Variants in RNF19A observed in about 807,000 individuals in gnomAD.
RNF19A encodes the protein E3 ubiquitin-protein ligase RNF19A.
A neutral mutation model predicts 75.7 loss-of-function variants in RNF19A; 32 were observed. That is an observed-to-expected ratio of 0.42 (90% CI 0.32 to 0.57). RNF19A has a LOEUF of 0.57. Ranked by LOEUF, RNF19A falls within the 20% of genes least tolerant of loss-of-function variation. The pLI is 0.10. For missense variants in RNF19A, 782 were observed against 1,036.3 expected, an observed-to-expected ratio of 0.75 and a Z score of 3.37; for synonymous variants, 335 against 345.2, an observed-to-expected ratio of 0.97 and a Z score of 0.33.
intron 1 of RNF19A, among the ~76,000 whole-genome samples, chr8:100,303,693 G>A (rs1352523936): frequency 2.0e-5 from 3 of 151,312 alleles, no homozygotes; most frequent in Non-Finnish European, 4.4e-5. Flanking sequence ...GAAGGCTGAC[G>A]TGGGCGGATC....
intron 1 of RNF19A, among the ~76,000 whole-genome samples, chr8:100,321,229 G>T (rs1393723543): frequency 6.6e-6 from 1 of 152,174 alleles, no homozygotes; most frequent in Non-Finnish European, 1.5e-5. Context: ...TTTCAAAATT[G>T]GAATCAATCC....
Position 100,280,900 on chromosome 8 carries a change from C to T in RNF19A, c.675-5739G>A, listed in dbSNP as rs547022104. Among the ~76,000 whole-genome samples the T allele has an allele frequency of 7.9e-5, 12 of 152,214 alleles. No homozygotes were observed. The South Asian group carries it at 1.7e-3, about 21-fold the overall frequency. ...AACAACTCTCAAATTATAATGGAAG[C>T]AAATGGTAAAAGTAAATTAAATACA... is the stretch of plus-strand genomic sequence containing the variant. On this transcript the variant is annotated intron_variant, in intron 2 of 9. Transcript: ENST00000341084.
rs1044649165 is a variant in RNF19A, at chr8:100,259,055, G to C, written c.2018C>G (p.Ser673Ter). The change falls in exon 10 of 10, where the codon TCA becomes TGA. Residue 673 changes from serine (S) to a stop codon, truncating the protein, a stop_gained. Coordinates refer to ENST00000341084, the MANE Select transcript of RNF19A (RefSeq NM_183419.4). LOFTEE classifies it high-confidence loss of function. The surrounding 1 kb of genome is among the most constrained non-coding windows in gnomAD (Gnocchi z 4.5). ...CTTTTTCCTCAGTTTACCACTTTTT[G>C]ATTTTTTCCCTGCTGTTGCTTCTTT... Reference protein sequence around the residue: ...WSKEATAGKKSKSGKLRKKGN... With the variant: ...WSKEATAGKK 7 of 1,613,934 alleles carry C rather than the reference G, an allele frequency of 4.3e-6. 1 individual carries two copies. The highest frequency in any genetic ancestry group is 5.9e-6 in the Non-Finnish European group (7 of 1,179,984).
In RNF19A at chr8:100,261,770, T is replaced by A. The variant is rs766605182; in HGVS notation, c.1469-15A>T. ...TGATGTTGTGTCTAAATGCAAATAT[T>A]CCAAAGAAACTAAGTAAGTATGATT... On this transcript the variant is annotated splice_polypyrimidine_tract_variant and intron_variant, in intron 7 of 9. Coordinates refer to ENST00000341084, the MANE Select transcript of RNF19A (RefSeq NM_183419.4). This position sits in a 1 kb window ranked among gnomAD's most constrained non-coding sequence, Gnocchi z 4.4. 1.2e-6 allele frequency: 2 copies of A among 1,611,654 alleles called. No homozygotes were observed. Among genetic ancestry groups the A allele is most frequent in the Non-Finnish European group, 1.7e-6 (2 of 1,177,708 alleles).
At position 100,258,581 on chromosome 8, in the gene RNF19A, T is replaced by G; in HGVS notation, c.2492A>C (p.Lys831Thr). 1 of 1,611,980 alleles carries G rather than the reference T, an allele frequency of 6.2e-7. No homozygotes were observed. The highest frequency in any genetic ancestry group is 8.5e-7 in the Non-Finnish European group (1 of 1,178,922). Residue 831 changes from lysine (K) to threonine (T), a missense_variant, in exon 10 of 10, where the codon AAA (lysine) becomes ACA (threonine). Physicochemically the swap from Lys to Thr is moderately conservative, Grantham distance 78. Coordinates refer to ENST00000341084, the MANE Select transcript of RNF19A (RefSeq NM_183419.4). The surrounding 1 kb of genome is among the most constrained non-coding windows in gnomAD (Gnocchi z 4.3). ...CTAAATTTCAGTCTGAATTGCAACT[T>G]TTAATTCCATTGTCTGATGTGAGTG... ...NNHSHQTMEL[K>T]VAIQTEI is the part of the protein sequence containing the mutation.
Position 100,284,434 on chromosome 8 carries a change from A to T in RNF19A, c.674+3067T>A, listed in dbSNP as rs1342359594. Among the ~76,000 whole-genome samples the T allele has an allele frequency of 6.6e-6, 1 of 152,192 alleles. No individual in the cohort carries two copies. Among genetic ancestry groups the T allele is most frequent in the African/African-American group, 2.4e-5 (1 of 41,462 alleles). Reference sequence around the variant, plus strand: ...AAGTCAAATATAAAATAAAATACACAAAAGTAATCTCTGTGACTTTTTTTC... The same window carrying T: ...AAGTCAAATATAAAATAAAATACACTAAAGTAATCTCTGTGACTTTTTTTC... On this transcript the variant is annotated intron_variant, in intron 2 of 9. Coordinates refer to ENST00000341084, the MANE Select transcript of RNF19A (RefSeq NM_183419.4). The surrounding 1 kb of genome is among the most constrained non-coding windows in gnomAD (Gnocchi z 4.3).
rs892471637 is a variant in RNF19A, at chr8:100,264,255, T to C, written c.1307-60A>G. ...AACAACAAAATAACTCACAGAAACATGAGTTTTAGAAAGTCTTTTCAAGAG... is the reference window on the plus strand; with the variant it reads ...AACAACAAAATAACTCACAGAAACACGAGTTTTAGAAAGTCTTTTCAAGAG... On this transcript the variant is annotated intron_variant, in intron 6 of 9. Transcript: ENST00000341084. The surrounding 1 kb of genome is among the most constrained non-coding windows in gnomAD (Gnocchi z 4.7). The C allele has an allele frequency of 6.3e-6, 9 of 1,428,486 alleles. No homozygotes were observed. The Admixed American group carries it at 7.9e-5, about 13-fold the overall frequency. 88.5% of individuals were successfully genotyped at this position (1,428,486 alleles called of 1,614,324 possible).
At chr8:100,300,091 A>G (rs1298535303) in intron 1 of RNF19A, among the ~76,000 whole-genome samples, 2 of 152,196 alleles carry the variant, frequency 1.3e-5, no homozygotes, top group African/African-American at 4.8e-5. Flanking sequence ...CTCAGATGGA[A>G]TAATATCTCT....
Position 100,259,267 on chromosome 8 carries a change from A to ATTTGT in RNF19A, c.1827-22_1827-21insACAAA, listed in dbSNP as rs760634948. The ATTTGT allele has an allele frequency of 1.3e-6, 2 of 1,569,656 alleles. No individual in the cohort carries two copies. The highest frequency in any genetic ancestry group is 3.5e-5 in the Admixed American group (2 of 56,840). On this transcript the variant is annotated intron_variant, in intron 9 of 9. Transcript: ENST00000341084. The surrounding 1 kb of genome is among the most constrained non-coding windows in gnomAD (Gnocchi z 4.5). ...CTTCTCTGAAATATAAGAGTAACAA[A>ATTTGT]TACAAACATAATTGCTGACTTCTTT...
At chr8:100,268,302 A>G (rs190965313) in intron 5 of RNF19A, among the ~76,000 whole-genome samples, 82 of 152,168 alleles carry the variant, frequency 5.4e-4, no homozygotes, top group Admixed American at 4.4e-3. Flanking sequence ...GGACTTTCAC[A>G]AGATTGTTAT....
At position 100,317,262 on chromosome 8, in the gene RNF19A, C is replaced by T. The variant is rs1437533330; in HGVS notation, c.-242-3890G>A. ...TGCAGTGGTGGGCTGAAGGGCTCCT[C>T]AAATGCCGCCAAAGTGGGAGCCCAG... On this transcript the variant is annotated intron_variant, in intron 1 of 3. Transcript: ENST00000519527. This position sits in a 1 kb window ranked among gnomAD's most constrained non-coding sequence, Gnocchi z 4.3. 2.0e-5 allele frequency among the ~76,000 whole-genome samples: 3 copies of T among 149,926 alleles called. No homozygotes were observed. The highest frequency in any genetic ancestry group is 3.0e-5 in the Non-Finnish European group (2 of 67,002).
At chr8:100,311,202 T>C (rs563924518), upstream of RNF19A, among the ~76,000 whole-genome samples, 88 of 152,214 alleles carry the variant, frequency 5.8e-4, no homozygotes, top group Non-Finnish European at 1.1e-3. Flanking sequence ...AATTAGAAAA[T>C]TGAACAAGCT....
In RNF19A at chr8:100,287,813, GAAGTTAATC is replaced by G; in HGVS notation, c.353_361del (p.Gly118_Ser121delinsAla). ...GAAGTCTCCAATTTGTTTGCTGATG[GAAGTTAATC>G]CATTGTCAGAAGAGGTATTTGTAGA... On this transcript the variant is annotated inframe_deletion, in exon 2 of 10. Transcript: ENST00000341084. The surrounding 1 kb of genome is among the most constrained non-coding windows in gnomAD (Gnocchi z 4.1). The G allele has an allele frequency of 6.2e-7, 1 of 1,614,180 alleles. No homozygotes were observed. Among genetic ancestry groups the G allele is most frequent in the African/African-American group, 1.3e-5 (1 of 75,066 alleles).
At chr8:100,326,582 T>C (rs2130381210) in intron 1 of RNF19A, among the ~76,000 whole-genome samples, 1 of 152,188 alleles carries the variant, frequency 6.6e-6, no homozygotes. Flanking sequence ...ACTGATACCA[T>C]TCAATAAAGG....
chr8:100,273,426 A>G (rs1227272449), intron 3 of RNF19A, among the ~76,000 whole-genome samples: 2 of 152,206 alleles, frequency 1.3e-5, no homozygotes, highest in Non-Finnish European at 2.9e-5. Flanking sequence ...CTCTAAAGCA[A>G]CTTTTAGTCA....
intron 3 of RNF19A, among the ~76,000 whole-genome samples, chr8:100,273,001 G>A (rs1272989133): frequency 6.6e-6 from 1 of 151,298 alleles, no homozygotes; most frequent in Non-Finnish European, 1.5e-5. Flanking sequence ...GGCTTGCTGG[G>A]ACCAGAGATG....
chr8:100,292,780 TTTC>T (rs1418446828), intron 1 of RNF19A, among the ~76,000 whole-genome samples: 1 of 152,258 alleles, frequency 6.6e-6, no homozygotes, highest in Non-Finnish European at 1.5e-5. Flanking sequence ...AATTTTTTAA[TTTC>T]TTATTTTTGA....
In RNF19A at chr8:100,275,262, A is replaced by G; in HGVS notation, c.675-101T>C. 1.0e-6 allele frequency: 1 copy of G among 956,422 alleles called. No individual in the cohort carries two copies. The highest frequency in any genetic ancestry group is 1.6e-6 in the Non-Finnish European group (1 of 632,232). The allele number at this position is 956,422 out of a possible 1,614,324, so 59.2% of individuals were successfully genotyped here. Reference sequence around the variant, plus strand: ...AGATTATTCCTGAAAAACATTTTCTATTTATACATTAGCAAACAGTCATAA... The same window carrying G: ...AGATTATTCCTGAAAAACATTTTCTGTTTATACATTAGCAAACAGTCATAA... On this transcript the variant is annotated intron_variant, in intron 2 of 9. Coordinates refer to ENST00000341084, the MANE Select transcript of RNF19A (RefSeq NM_183419.4). The surrounding 1 kb of genome is among the most constrained non-coding windows in gnomAD (Gnocchi z 4.3).
chr8:100,263,955 G>C, intron 7 of RNF19A, 79 bp downstream of exon 7: 1 of 1,201,996 alleles, frequency 8.3e-7, no homozygotes, highest in Non-Finnish European at 1.2e-6. Context: ...TGGAAATTCT[G>C]AGTTGCATGT....
Sources: allele counts gnomAD v4.1 joint callset (sites outside exome capture counted in the v4.1 genomes callset), GRCh38; gene constraint gnomAD v4.1.1; non-coding constraint Gnocchi (gnomAD v3.1); transcripts MANE v1.5; gene names NCBI Gene and HGNC (gene_info 2026-07-23, HGNC 2026-07-21).